ZC4H2: variants seen among roughly 807,000 people sequenced by gnomAD.
ZC4H2 encodes the protein zinc finger C4H2-type containing.
For missense variants in ZC4H2, 137 were observed against 173.9 expected, an observed-to-expected ratio of 0.79 and a Z score of 1.19; for synonymous variants, 84 against 66.3, an observed-to-expected ratio of 1.27 and a Z score of -1.30.
intron 1 of ZC4H2, among the ~76,000 whole-genome samples, chrX:64,933,964 G>C (rs1929871474): frequency 9.0e-6 from 1 of 111,362 alleles, no homozygotes; most frequent in Non-Finnish European, 1.9e-5. Context: ...AATGAGATGT[G>C]CTGAGGTTTT....
upstream of ZC4H2, among the ~76,000 whole-genome samples, chrX:64,980,263 C>T (rs1477945826): frequency 8.9e-6 from 1 of 111,918 alleles, no homozygotes; most frequent in Non-Finnish European, 1.9e-5. Flanking sequence ...GGGCCCTGCC[C>T]TTACCAAGCT....
At chrX:64,984,556 T>TG (rs1465455437) in intron 1 of ZC4H2, among the ~76,000 whole-genome samples, 1 of 111,297 alleles carries the variant, frequency 9.0e-6, no homozygotes, top group Non-Finnish European at 1.9e-5. Flanking sequence ...TTTACTTCTC[T>TG]GGGTGGCCCA....
At chrX:64,992,514 T>A (rs1178071857) in intron 1 of ZC4H2, among the ~76,000 whole-genome samples, 2 of 111,663 alleles carry the variant, frequency 1.8e-5, no homozygotes, top group Non-Finnish European at 3.8e-5. Context: ...GGGTGATCCC[T>A]CACAATAGCT....
Position 64,917,090 on chromosome X carries a change from A to T in ZC4H2, c.*693T>A, listed in dbSNP as rs1294835067. On this transcript the variant is annotated 3_prime_UTR_variant, in exon 5 of 5. Transcript: ENST00000374839. Reference sequence around the variant, plus strand: ...ACTGATTTCACTGTGGAAATCTTCTACTAGAATTTGCAAAGACTAGATATT... The same window carrying T: ...ACTGATTTCACTGTGGAAATCTTCTTCTAGAATTTGCAAAGACTAGATATT... 8.9e-6 allele frequency: 1 copy of T among 111,813 alleles called. No homozygotes were observed. Among genetic ancestry groups the T allele is most frequent in the Non-Finnish European group, 1.9e-5 (1 of 53,138 alleles). The allele number at this position is 111,813 out of a possible 1,213,427, so 9.2% of individuals were successfully genotyped here.
chrX:64,932,185 G>A (rs774397378), intron 1 of ZC4H2, among the ~76,000 whole-genome samples: 154 of 110,173 alleles, frequency 1.4e-3, no homozygotes, highest in African/African-American at 4.8e-3. Flanking sequence ...ACTCCTGCTT[G>A]CTTTTGGTTT....
chrX:64,964,842 C>G (rs756763674), intron 1 of ZC4H2, among the ~76,000 whole-genome samples: 2 of 110,932 alleles, frequency 1.8e-5, no homozygotes, highest in East Asian at 5.7e-4. Flanking sequence ...AATGCAATAG[C>G]ACAGAGGCCA....
At chrX:64,935,927 T>C (rs1372011188) in intron 1 of ZC4H2, among the ~76,000 whole-genome samples, 1 of 110,923 alleles carries the variant, frequency 9.0e-6, no homozygotes, top group Non-Finnish European at 1.9e-5. Flanking sequence ...ATGAGTTTGA[T>C]GAACAGACAG....
intron 1 of ZC4H2, among the ~76,000 whole-genome samples, chrX:64,987,205 G>C (rs1194381042): frequency 9.1e-6 from 1 of 110,474 alleles, no homozygotes; most frequent in African/African-American, 3.3e-5. Context: ...TGGGATTACA[G>C]GTGTGAGCCA....
rs1928957651 is a variant in ZC4H2 at position 64,916,882 on chromosome X, A to ATT, written c.*900_*901insAA. 1 of 111,975 alleles carries ATT rather than the reference A, an allele frequency of 8.9e-6. No homozygotes were observed. Among genetic ancestry groups the ATT allele is most frequent in the African/African-American group, 3.3e-5 (1 of 30,719 alleles). 9.2% of individuals were successfully genotyped at this position (111,975 alleles called of 1,213,427 possible). A position where few individuals can be genotyped will look rare whatever the true frequency, so the allele number is the denominator to read the frequency against. ...GTGATTGGCATTTACTCAAATCTAA[A>ATT]TCTACTCCTCTCCTCCCTGCAATAT... On this transcript the variant is annotated 3_prime_UTR_variant, in exon 5 of 5. Transcript: ENST00000374839.
chrX:64,951,228 C>T, intron 1 of ZC4H2, among the ~76,000 whole-genome samples: 1 of 112,287 alleles, frequency 8.9e-6, no homozygotes, highest in Non-Finnish European at 1.9e-5. Context: ...TGGCTTGGTT[C>T]CAAGTCTGCT....
rs1928922319 is a variant in ZC4H2, at chrX:64,916,405, TA to T, written c.*1377del. The T allele has an allele frequency of 8.9e-6, 1 of 112,011 alleles. No individual in the cohort carries two copies. The highest frequency in any genetic ancestry group is 3.2e-5 in the African/African-American group (1 of 30,810). 9.2% of individuals were successfully genotyped at this position (112,011 alleles called of 1,213,427 possible). On this transcript the variant is annotated 3_prime_UTR_variant, in exon 5 of 5. Coordinates refer to ENST00000374839, the MANE Select transcript of ZC4H2 (RefSeq NM_018684.4). Reference sequence around the variant, plus strand: ...GTAAATGACATTACATCTTTTGTATTATCCAATACACAGTAGATACTCAGAA... The same window carrying T: ...GTAAATGACATTACATCTTTTGTATTTCCAATACACAGTAGATACTCAGAA...
intron 1 of ZC4H2, among the ~76,000 whole-genome samples, chrX:64,970,519 GGGAA>G (rs1301958896): frequency 7.4e-5 from 8 of 107,607 alleles, no homozygotes; most frequent in South Asian, 4.2e-4. Flanking sequence ...GGAGGGAGGG[GGGAA>G]GGAAGGAAGG....
At position 64,967,204 on chromosome X, in the gene ZC4H2, C is replaced by T. The variant is rs887598616; in HGVS notation, c.53+9121G>A. Among the ~76,000 whole-genome samples, 7 of 111,293 alleles carry T rather than the reference C, an allele frequency of 6.3e-5. No individual in the cohort carries two copies. The Admixed American group carries it at 6.7e-4, about 11-fold the overall frequency. ...AATTTGTTGCATTTGAGGTAGATTG[C>T]CTTTACTATGGTCTTCAGGATTTGC... is the stretch of plus-strand genomic sequence containing the variant. On this transcript the variant is annotated intron_variant, in intron 1 of 4. Coordinates refer to ENST00000374839, the MANE Select transcript of ZC4H2 (RefSeq NM_018684.4).
intron 1 of ZC4H2, among the ~76,000 whole-genome samples, chrX:64,959,875 T>C (rs1221023310): frequency 1.8e-5 from 2 of 111,378 alleles, no homozygotes; most frequent in African/African-American, 6.5e-5. Context: ...TTTTTGAATG[T>C]AAAATATGTG....
chrX:65,025,429 C>T lies in ZC4H2; in HGVS notation c.-272+9200G>A, dbSNP rs191678187. Among the ~76,000 whole-genome samples, 723 of 110,939 alleles carry T rather than the reference C, an allele frequency of 6.5e-3. 3 individuals are homozygous for T. Among genetic ancestry groups the T allele is most frequent in the Non-Finnish European group, 9.5e-3 (504 of 53,011 alleles). ...CAAACATCCATAATCGTATTGCTTT[C>T]CTTCAGATTTTGAATTCTCCAGACT... On this transcript the variant is annotated intron_variant, in intron 1 of 4. Transcript: ENST00000337990.
At chrX:64,918,876 G>T in intron 4 of ZC4H2, 166 bp downstream of exon 4, 1 of 545,546 alleles carries the variant, frequency 1.8e-6, no homozygotes, top group Non-Finnish European at 2.7e-6. Flanking sequence ...TGTGCTGTGT[G>T]TGTCCAACAC....
chrX:64,980,650 A>G (rs1932064093), upstream of ZC4H2, among the ~76,000 whole-genome samples: 1 of 111,598 alleles, frequency 9.0e-6, no homozygotes, highest in Admixed American at 9.6e-5. Flanking sequence ...TATTATTATC[A>G]TCCTTATTTT....
intron 1 of ZC4H2, among the ~76,000 whole-genome samples, chrX:65,016,298 T>C (rs775470193): frequency 1.6e-4 from 18 of 111,768 alleles, no homozygotes; most frequent in African/African-American, 5.5e-4. Context: ...GGGAAGCTTA[T>C]GGAAAAGCTC....
chrX:64,978,351 T>C (rs1329533986), upstream of ZC4H2, among the ~76,000 whole-genome samples: 1 of 112,219 alleles, frequency 8.9e-6, no homozygotes, highest in Non-Finnish European at 1.9e-5. Context: ...GGTGTCTACA[T>C]TTTCCTATTG....
Sources: allele counts gnomAD v4.1 joint callset (sites outside exome capture counted in the v4.1 genomes callset), GRCh38; gene constraint gnomAD v4.1.1; transcripts MANE v1.5; gene names NCBI Gene and HGNC (gene_info 2026-07-23, HGNC 2026-07-21).